Variants in CAPN10 observed in about 807,000 individuals in gnomAD.
The protein encoded by CAPN10 is calpain 10, also known as calpain-10.
In CAPN10, 71 loss-of-function variants were observed where a neutral mutation model predicts 78.4. The ratio of observed to expected loss-of-function variants is 0.91; its 90% CI spans 0.75 to 1.10. The LOEUF is 1.10. CAPN10 is among the 50% of genes least tolerant of loss of function. The probability of loss-of-function intolerance (pLI) is 0.00; values close to 1 mark genes in which losing one functional copy is unlikely to be tolerated. For missense variants in CAPN10, 849 were observed against 924.6 expected (o/e 0.92, Z 1.06); for synonymous variants, 437 against 407.2 (o/e 1.07, Z -0.88).
chr2:240,594,558 C>T lies in CAPN10; in HGVS notation c.846C>T (p.Ser282=), dbSNP rs767436231. The T allele has an allele frequency of 1.1e-5, 17 of 1,613,444 alleles. No homozygotes were observed. In the East Asian group the frequency reaches 2.7e-4, roughly 25 times the overall value. Reference sequence around the variant, plus strand: ...TTTCTTCCAGGGGTGAAGGGTGGAGCCAGGTAGATGCAGCGGTAGCATCTG... The same window carrying T: ...TTTCTTCCAGGGGTGAAGGGTGGAGTCAGGTAGATGCAGCGGTAGCATCTG... The part of the protein sequence containing the change: ...GLWREGGEGW[S]QVDAAVASEL... The change falls in exon 6 of 12, where the codon AGC becomes AGT. Residue 282 remains serine, a synonymous_variant. Transcript: ENST00000391984.
At chr2:240,595,517 C>T (rs1480065327) in intron 7 of CAPN10, 6 of 616,324 alleles carry the variant, frequency 9.7e-6, no homozygotes, top group East Asian at 8.3e-5. Flanking sequence ...TCTGCCTTGC[C>T]GTGTGCCTCA....
At chr2:240,596,573 A>G in intron 8 of CAPN10, 52 bp downstream of exon 8, 1 of 1,549,822 alleles carries the variant, frequency 6.5e-7, no homozygotes, top group Non-Finnish European at 8.7e-7. Context: ...AGGCCCTTCC[A>G]AGGCAGGATT....
chr2:240,597,805 C>G lies in CAPN10; in HGVS notation c.1744-83C>G, dbSNP rs1305887225. 3 of 1,265,180 alleles carry G rather than the reference C, an allele frequency of 2.4e-6. No individual in the cohort carries two copies. In the African/African-American group the frequency reaches 4.5e-5, roughly 19 times the overall value. The allele number at this position is 1,265,180 out of a possible 1,614,324, so 78.4% of individuals were successfully genotyped here. ...GGGGCTGTATGTGACTCAAGAGGGC[C>G]AAGGGCATCCGAGCAGATGGCCCTG... On this transcript the variant is annotated intron_variant, in intron 9 of 11. Coordinates refer to ENST00000391984, the MANE Select transcript of CAPN10 (RefSeq NM_023083.4).
chr2:240,587,987 G>T (rs977984898), intron 1 of CAPN10, among the ~76,000 whole-genome samples: 1 of 152,154 alleles, frequency 6.6e-6, no homozygotes, highest in Non-Finnish European at 1.5e-5. Context: ...GCTCAGATTA[G>T]CTTGACGACT....
At chr2:240,597,814 C>A in intron 9 of CAPN10, 74 bp from the exon 10 acceptor site, 1 of 1,334,408 alleles carries the variant, frequency 7.5e-7, no homozygotes, top group Non-Finnish European at 1.0e-6. Flanking sequence ...CCAAGGGCAT[C>A]CGAGCAGATG....
chr2:240,596,521 G>A lies in CAPN10; in HGVS notation c.1481G>A (p.Ser494Asn). ...TTCTCTACCGGGCGAGTCTCCCTTA[G>A]GTGAGAGGAACCGCGCAGTGCTGCT... The part of the protein sequence containing the change: ...RVFSTGRVSL[S>N]AIRAVAKNTT... The change falls in exon 8 of 12, where the codon AGC becomes AAC. Residue 494 changes from serine (S) to asparagine (N), a missense_variant and splice_region_variant. By Grantham distance (46) the Ser-to-Asn change is conservative (BLOSUM62 1). Coordinates refer to ENST00000391984, the MANE Select transcript of CAPN10 (RefSeq NM_023083.4). 6.2e-7 allele frequency: 1 copy of A among 1,602,464 alleles called. No homozygotes were observed. The highest frequency in any genetic ancestry group is 8.5e-7 in the Non-Finnish European group (1 of 1,171,900).
rs758093042 is a variant in CAPN10, at chr2:240,596,538, A to C, written c.1481+17A>C. The C allele has an allele frequency of 6.3e-7, 1 of 1,582,658 alleles. No homozygotes were observed. The highest frequency in any genetic ancestry group is 2.3e-5 in the East Asian group (1 of 44,342). On this transcript the variant is annotated intron_variant, in intron 8 of 11. Transcript: ENST00000391984. Reference sequence around the variant, plus strand: ...CTCCCTTAGGTGAGAGGAACCGCGCAGTGCTGCTGGCTCTCCGAGGCCACA... The same window carrying C: ...CTCCCTTAGGTGAGAGGAACCGCGCCGTGCTGCTGGCTCTCCGAGGCCACA...
intron 1 of CAPN10, 129 bp from the exon 2 acceptor site, chr2:240,589,214 C>A: frequency 8.2e-7 from 1 of 1,224,434 alleles, no homozygotes. Flanking sequence ...ACCTTCCTGT[C>A]CCTTTTTGGG....
In CAPN10 at chr2:240,594,560, A is replaced by G. The variant is rs756114074; in HGVS notation, c.848A>G (p.Gln283Arg). 1.2e-6 allele frequency: 2 copies of G among 1,613,486 alleles called. No homozygotes were observed. The highest frequency in any genetic ancestry group is 1.7e-6 in the Non-Finnish European group (2 of 1,179,802). ...TCTTCCAGGGGTGAAGGGTGGAGCC[A>G]GGTAGATGCAGCGGTAGCATCTGAG... is the stretch of plus-strand genomic sequence containing the variant. ...LWREGGEGWS[Q>R]VDAAVASELL... The change falls in exon 6 of 12, where the codon CAG becomes CGG. Residue 283 changes from glutamine (Q) to arginine (R), a missense_variant. Transcript: ENST00000391984.
In CAPN10 at chr2:240,589,332, C is replaced by T; in HGVS notation, c.142-11C>T. The T allele has an allele frequency of 1.2e-6, 2 of 1,614,152 alleles. No homozygotes were observed. Among genetic ancestry groups the T allele is most frequent in the Non-Finnish European group, 1.7e-6 (2 of 1,180,020 alleles). On this transcript the variant is annotated splice_polypyrimidine_tract_variant and intron_variant, in intron 1 of 11. Coordinates refer to ENST00000391984, the MANE Select transcript of CAPN10 (RefSeq NM_023083.4). ...GCATGATCTAACTCTGGACAACTTT[C>T]TGTATCTCAGGAGATTTGTGCCACA...
At chr2:240,589,295 G>T (rs780534696) in intron 1 of CAPN10, 48 bp from the exon 2 acceptor site, 1 of 1,613,370 alleles carries the variant, frequency 6.2e-7, no homozygotes, top group Admixed American at 1.7e-5. Context: ...AGTTTGAAGG[G>T]TTCCACAGCA....
intron 3 of CAPN10, 41 bp from the exon 4 acceptor site, chr2:240,591,892 C>T: frequency 6.4e-7 from 1 of 1,561,224 alleles, no homozygotes. Flanking sequence ...GGGCCATGCT[C>T]AATGCCAGAG....
intron 1 of CAPN10, 78 bp from the exon 2 acceptor site, chr2:240,589,265 A>C (rs2093086287): frequency 6.3e-7 from 1 of 1,593,232 alleles, no homozygotes; most frequent in Admixed American, 1.7e-5. Context: ...AACTCCTGTC[A>C]TCTAGAGCCT....
rs752596356 is a variant in CAPN10, at chr2:240,594,729, T to A, written c.997+20T>A. On this transcript the variant is annotated intron_variant, in intron 6 of 11. Transcript: ENST00000391984. The stretch of plus-strand genomic sequence containing the variant: ...ACACAGGTAGTGCCCCGAGGGGCTG[T>A]GCTGGGCACGTGCTCTGCCTGCCGA... The A allele has an allele frequency of 2.5e-6, 4 of 1,604,288 alleles. No homozygotes were observed. The South Asian group carries it at 3.3e-5, about 13-fold the overall frequency.
Position 240,593,890 on chromosome 2 carries a change from G to C in CAPN10, c.689-16G>C. On this transcript the variant is annotated splice_polypyrimidine_tract_variant and intron_variant, in intron 4 of 11. Transcript: ENST00000391984. ...TGGTGCCCTTCCTGCCTGTGCCTGC[G>C]CCATTCCTCATGCAGGTGCCCGGGA... The C allele has an allele frequency of 6.3e-7, 1 of 1,581,662 alleles. No individual in the cohort carries two copies. The highest frequency in any genetic ancestry group is 1.1e-5 in the South Asian group (1 of 87,754).
At chr2:240,597,796 C>A in intron 9 of CAPN10, 92 bp from the exon 10 acceptor site, 1 of 1,154,684 alleles carries the variant, frequency 8.7e-7, no homozygotes, top group South Asian at 1.5e-5. Context: ...GTATGTGACT[C>A]AAGAGGGCCA....
chr2:240,594,292 G>C, intron 5 of CAPN10: 1 of 600,822 alleles, frequency 1.7e-6, no homozygotes, highest in Non-Finnish European at 2.9e-6. Flanking sequence ...TCGGGCAGCA[G>C]TCCTGGGAAG....
chr2:240,597,091 G>A, intron 9 of CAPN10, 149 bp downstream of exon 9: 1 of 998,498 alleles, frequency 1.0e-6, no homozygotes, highest in Non-Finnish European at 1.5e-6. Flanking sequence ...CCCGCACAGG[G>A]CCCTCTCCCA....
At chr2:240,594,190 T>A (rs1201298975) in intron 5 of CAPN10, 143 bp downstream of exon 5, 2 of 902,932 alleles carry the variant, frequency 2.2e-6, no homozygotes, top group Non-Finnish European at 3.2e-6. Flanking sequence ...CGTGACACCA[T>A]GCTTGTCTTG....
Sources: allele counts gnomAD v4.1 joint callset (sites outside exome capture counted in the v4.1 genomes callset), GRCh38; gene constraint gnomAD v4.1.1; transcripts MANE v1.5; gene names NCBI Gene and HGNC (gene_info 2026-07-23, HGNC 2026-07-21).